The following PSG6 variants were observed in gnomAD, a reference collection of about 807,000 sequenced individuals.
PSG6 encodes pregnancy-specific beta-1-glycoprotein 6.
In PSG6, 51 loss-of-function variants were observed where a neutral mutation model predicts 43.3. The ratio of observed to expected loss-of-function variants is 1.18; its 90% confidence interval spans 0.94 to 1.49. PSG6 has a LOEUF of 1.49. PSG6 is among the 40% of genes most tolerant of loss of function. The pLI is 0.00. For synonymous variants in PSG6, 292 were observed against 197.6 expected (o/e 1.48, Z -4.01); for missense variants, 770 against 522.2 (o/e 1.47, Z -4.62).
At chr19:42,910,442 G>A (rs1363929528) in intron 3 of PSG6, 138 bp downstream of exon 3, 1 of 1,602,474 alleles carries the variant, frequency 6.2e-7, no homozygotes, top group Admixed American at 1.7e-5. Flanking sequence ...TTTGCCTGGA[G>A]CAGAAAGTCA....
chr19:42,912,914 C>T (rs1361665031), intron 2 of PSG6, among the ~76,000 whole-genome samples: 1 of 151,620 alleles, frequency 6.6e-6, no homozygotes, highest in Non-Finnish European at 1.5e-5. Flanking sequence ...ACAAGTATTC[C>T]CGTTAAGTGT....
chr19:42,906,936 A>G lies in PSG6; in HGVS notation c.1226T>C (p.Ile409Thr), dbSNP rs1143267. The change falls in exon 5 of 6, where the codon ATA becomes ACA. Residue 409 changes from isoleucine to threonine, a missense_variant. Coordinates refer to ENST00000187910, the MANE Select transcript of PSG6 (RefSeq NM_001031850.4). ...ATGKEISKSM[I>T]VKVSGPCHGN... is the part of the protein sequence containing the mutation. ...GATCCACTTACCAGAGACTTTGACT[A>G]TCATGGATTTGGAGATTTCCTTGCC... The G allele has an allele frequency of 6.4e-5, 103 of 1,612,248 alleles. 2 individuals are homozygous for G. Among genetic ancestry groups the G allele is most frequent in the East Asian group, 1.8e-4 (8 of 44,796 alleles).
intron 3 of PSG6, chr19:42,910,058 A>C (rs1438636327): frequency 5.3e-6 from 1 of 188,726 alleles, no homozygotes; most frequent in Non-Finnish European, 1.1e-5. Flanking sequence ...ACTTCCCATC[A>C]ATCAGCCAAG....
chr19:42,915,104 A>G (rs10414325), intron 2 of PSG6, among the ~76,000 whole-genome samples: 55,505 of 151,002 alleles, frequency 0.37, 12,070 homozygotes, highest in African/African-American at 0.56. Flanking sequence ...CACTTCTGGT[A>G]GAGGAGAGGA....
chr19:42,912,836 G>T (rs1171537603), intron 2 of PSG6, among the ~76,000 whole-genome samples: 3 of 151,656 alleles, frequency 2.0e-5, no homozygotes, highest in African/African-American at 2.4e-5. Flanking sequence ...GGAAATAGTT[G>T]TATGTGGCAC....
rs1555740455 is a variant in PSG6, at chr19:42,907,385, G to GT, written c.985+190_985+191insA. Among the ~76,000 whole-genome samples the GT allele has an allele frequency of 1.3e-4, 20 of 151,924 alleles. 1 individual carries two copies. The highest frequency in any genetic ancestry group is 4.2e-4 in the South Asian group (2 of 4,790). On this transcript the variant is annotated intron_variant, in intron 4 of 5. Transcript: ENST00000187910. ...GCCCCTAGTGTCCCATGACAAGAGC[G>GT]CCCCTCCCCTTATATTCTTGGTTAA...
At chr19:42,906,051 GATATAT>G (rs1313371763) in intron 5 of PSG6, among the ~76,000 whole-genome samples, 1 of 151,506 alleles carries the variant, frequency 6.6e-6, no homozygotes, top group African/African-American at 2.4e-5. Flanking sequence ...TCTAATATTA[GATATAT>G]ATAAAGTGTC....
Position 42,910,666 on chromosome 19 carries a change from G to A in PSG6, c.620C>T (p.Thr207Ile). ...TTCATAGGGTCCTGCAATATACTTT[G>A]TGACACCAAATAGATAGAGGGTCCT... ...TNRTLYLFGV[T>I]KYIAGPYECE... is the part of the protein sequence containing the mutation. Residue 207 changes from threonine to isoleucine, a missense_variant, in exon 3 of 6, where the codon ACA (threonine) becomes ATA (isoleucine). Physicochemically the swap from Thr to Ile is moderately conservative, Grantham distance 89 (BLOSUM62 -1). Transcript: ENST00000187910. 6.2e-7 allele frequency: 1 copy of A among 1,612,370 alleles called. No individual in the cohort carries two copies. The highest frequency in any genetic ancestry group is 8.5e-7 in the Non-Finnish European group (1 of 1,179,272).
intron 2 of PSG6, among the ~76,000 whole-genome samples, chr19:42,914,900 G>A (rs1210361846): frequency 6.6e-6 from 1 of 151,596 alleles, no homozygotes; most frequent in Non-Finnish European, 1.5e-5. Context: ...ATTCAGTGAT[G>A]GAGGTTAAGA....
At chr19:42,914,765 T>A (rs1972293294) in intron 2 of PSG6, among the ~76,000 whole-genome samples, 2 of 151,600 alleles carry the variant, frequency 1.3e-5, no homozygotes, top group South Asian at 4.2e-4. Flanking sequence ...ATGTGAGAGC[T>A]CCTGAGTGTG....
chr19:42,902,380 T>G lies in PSG6; in HGVS notation c.*32A>C. On this transcript the variant is annotated 3_prime_UTR_variant, in exon 6 of 6. Coordinates refer to ENST00000187910, the MANE Select transcript of PSG6 (RefSeq NM_001031850.4). ...GAATTTCATGAAGGTATCAACCTGT[T>G]CTTTTTCTCAGTGTCTCTATTGTGG... The G allele has an allele frequency of 6.2e-7, 1 of 1,608,218 alleles. No individual in the cohort carries two copies. The highest frequency in any genetic ancestry group is 8.5e-7 in the Non-Finnish European group (1 of 1,176,358).
chr19:42,902,544 C>T, intron 5 of PSG6, 98 bp from the exon 6 acceptor site: 1 of 1,519,522 alleles, frequency 6.6e-7, no homozygotes, highest in Non-Finnish European at 9.0e-7. Context: ...GGTGTGAAAG[C>T]AAGTCTAGTT....
chr19:42,906,134 C>G (rs902409904), intron 5 of PSG6, among the ~76,000 whole-genome samples: 4 of 151,464 alleles, frequency 2.6e-5, no homozygotes, highest in Non-Finnish European at 5.9e-5. Context: ...ATGCAGAGCC[C>G]CAGGGGTGAA....
At chr19:42,906,550 C>G (rs1282364564) in intron 5 of PSG6, 1 of 1,295,946 alleles carries the variant, frequency 7.7e-7, no homozygotes, top group Admixed American at 3.4e-5. Context: ...TTCCTTGTAG[C>G]TCATGGAATA....
At position 42,915,822 on chromosome 19, in the gene PSG6, C is replaced by T. The variant is rs531740019; in HGVS notation, c.427+303G>A. The T allele has an allele frequency of 1.1e-4, 56 of 516,490 alleles. 3 individuals carry two copies. The South Asian group carries it at 2.1e-3, about 20-fold the overall frequency. 32.0% of individuals were successfully genotyped at this position (516,490 alleles called of 1,614,324 possible). A position where few individuals can be genotyped will look rare whatever the true frequency, so the allele number is the denominator to read the frequency against. On this transcript the variant is annotated intron_variant, in intron 2 of 5. Coordinates refer to ENST00000187910, the MANE Select transcript of PSG6 (RefSeq NM_001031850.4). ...CTACTCAGTTTTCCAGGGTCTTTCT[C>T]AGGGTCAAATTTATGAAGAGGGCAT...
In PSG6 at chr19:42,907,806, T is replaced by A; in HGVS notation, c.755A>T (p.Glu252Val). 1 of 1,611,460 alleles carries A rather than the reference T, an allele frequency of 6.2e-7. No individual in the cohort carries two copies. The highest frequency in any genetic ancestry group is 8.5e-7 in the Non-Finnish European group (1 of 1,179,064). The change falls in exon 4 of 6, where the codon GAG (glutamate) becomes GTG (valine). Residue 252 changes from glutamate to valine, a missense_variant. By Grantham distance (121) the Glu-to-Val change is moderately radical. Coordinates refer to ENST00000187910, the MANE Select transcript of PSG6 (RefSeq NM_001031850.4). ...YITINNLNPR[E>V]KKDVLAFTCE... ...GGTGAAGGCTAACACATCCTTCTTC[T>A]CCCTGGGGTTTAAGTTGTTGATGGT...
In PSG6 at chr19:42,916,228, G is replaced by A; in HGVS notation, c.324C>T (p.Ile108=). ...ETVYSNASLL[I]QNVTQEDAGS... is the part of the protein sequence containing the mutation. ...CTGCATCCTCCTGTGTGACATTCTG[G>A]ATCAGCAGGGATGCATTGGAATATA... is the stretch of plus-strand genomic sequence containing the variant. Residue 108 remains isoleucine (I), a synonymous_variant, in exon 2 of 6, where the codon ATC becomes ATT. Transcript: ENST00000187910. 6.2e-7 allele frequency: 1 copy of A among 1,612,228 alleles called. No individual in the cohort carries two copies. Among genetic ancestry groups the A allele is most frequent in the Non-Finnish European group, 8.5e-7 (1 of 1,179,110 alleles).
intron 1 of PSG6, among the ~76,000 whole-genome samples, 168 bp from the exon 2 acceptor site, chr19:42,916,655 T>C (rs866806603): frequency 2.7e-5 from 4 of 150,824 alleles, no homozygotes; most frequent in African/African-American, 9.8e-5. Context: ...TGTGTGTGTA[T>C]GTGTGTGTGT....
At chr19:42,910,031 T>C (rs1445409372) in intron 3 of PSG6, 1 of 186,226 alleles carries the variant, frequency 5.4e-6, no homozygotes, top group East Asian at 1.3e-4. Flanking sequence ...TAAAGAACAC[T>C]TGTGCTGATT....
Sources: gnomAD v4.1 joint callset for allele counts (sites outside exome capture counted in the v4.1 genomes callset) on GRCh38, gnomAD v4.1.1 for gene constraint, MANE v1.5 for transcripts, NCBI Gene and HGNC (gene_info 2026-07-23, HGNC 2026-07-21) for gene names.